KDM1A: variants seen among roughly 807,000 people sequenced by gnomAD.
KDM1A encodes lysine demethylase 1A.
A neutral mutation model predicts 109.4 loss-of-function variants in KDM1A; 49 were observed. That is an observed-to-expected ratio of 0.45 (90% CI 0.36 to 0.57). The LOEUF (loss-of-function observed/expected upper bound fraction) is 0.57. Ranked by LOEUF, KDM1A falls within the 20% of genes least tolerant of loss-of-function variation. The pLI, the probability that KDM1A is intolerant of heterozygous loss-of-function variation, is 0.00. For synonymous variants in KDM1A, 380 were observed against 415.4 expected, an observed-to-expected ratio of 0.91 and a Z score of 1.04; for missense variants, 668 against 1,116.6, an observed-to-expected ratio of 0.60 and a Z score of 5.73.
Position 23,072,192 on chromosome 1 carries a change from C to T in KDM1A, c.1617C>T (p.Pro539=). ...EEKLQELEAN[P]PSDVYLSSRD... ...AACTTCAGGAGTTGGAAGCGAATCCCCCAAGGTAAGGAAAACAAACACAAA... is the reference window on the plus strand; with the variant it reads ...AACTTCAGGAGTTGGAAGCGAATCCTCCAAGGTAAGGAAAACAAACACAAA... The change falls in exon 14 of 21, where the codon CCC becomes CCT. Residue 539 remains proline (P), a synonymous_variant. Transcript: ENST00000400181. The T allele has an allele frequency of 6.2e-7, 1 of 1,608,746 alleles. No individual in the cohort carries two copies. Among genetic ancestry groups the T allele is most frequent in the African/African-American group, 1.3e-5 (1 of 74,900 alleles).
chr1:23,028,548 A>G (rs780707303), intron 1 of KDM1A, among the ~76,000 whole-genome samples: 8 of 152,230 alleles, frequency 5.3e-5, no homozygotes, highest in Non-Finnish European at 1.0e-4. Context: ...TAGGTACTTA[A>G]GTCATTATTG....
At chr1:23,027,861 AAAGGATT>A (rs1641859284) in intron 1 of KDM1A, among the ~76,000 whole-genome samples, 1 of 152,138 alleles carries the variant, frequency 6.6e-6, no homozygotes, top group Non-Finnish European at 1.5e-5. Context: ...GGTTGTCTCT[AAAGGATT>A]AAGATTTGTT....
intron 8 of KDM1A, among the ~76,000 whole-genome samples, 149 bp from the exon 9 acceptor site, chr1:23,058,914 CTTACATATTT>C (rs914925139): frequency 5.3e-5 from 8 of 150,786 alleles, no homozygotes; most frequent in Admixed American, 5.3e-4. Flanking sequence ...TCATGTTTGT[CTTACATATTT>C]TTACTTAGAG....
chr1:23,034,039 G>A (rs1221554317), intron 2 of KDM1A, among the ~76,000 whole-genome samples: 1 of 152,074 alleles, frequency 6.6e-6, no homozygotes, highest in East Asian at 1.9e-4. Flanking sequence ...TTATATAATT[G>A]GAAGGAAGTT....
Position 23,019,755 on chromosome 1 carries a change from G to A in KDM1A, c.159G>A (p.Gly53=). 7.4e-7 allele frequency: 1 copy of A among 1,346,238 alleles called. No individual in the cohort carries two copies. The highest frequency in any genetic ancestry group is 9.6e-7 in the Non-Finnish European group (1 of 1,046,992). 83.4% of individuals were successfully genotyped at this position (1,346,238 alleles called of 1,614,324 possible). The part of the protein sequence containing the change: ...GLSGPAEVGP[G]AVGERTPRKK... ...CGGGCCCAGCCGAGGTCGGGCCGGGGGCGGTGGGGGAGCGCACACCCCGCA... is the reference window on the plus strand; with the variant it reads ...CGGGCCCAGCCGAGGTCGGGCCGGGAGCGGTGGGGGAGCGCACACCCCGCA... Residue 53 remains glycine, a synonymous_variant, in exon 1 of 21, where the codon GGG becomes GGA. Transcript: ENST00000400181.
chr1:23,051,096 A>C (rs921939976), intron 4 of KDM1A, among the ~76,000 whole-genome samples: 27 of 152,150 alleles, frequency 1.8e-4, no homozygotes, highest in African/African-American at 4.1e-4. Flanking sequence ...TCAAAAAAAA[A>C]CAAAAACCTT....
chr1:23,065,980 T>C lies in KDM1A; in HGVS notation c.1168-80T>C. The C allele has an allele frequency of 3.2e-6, 5 of 1,578,116 alleles. No homozygotes were observed. The South Asian group carries it at 6.0e-5, about 19-fold the overall frequency. On this transcript the variant is annotated intron_variant, in intron 9 of 20. Transcript: ENST00000400181. ...GTGTTTAAAGCCTTGATTTTATTGC[T>C]GTCATACAAAACTAAACTTGATGTG...
chr1:23,082,126 C>G (rs1643637264), intron 19 of KDM1A, 94 bp from the exon 20 acceptor site: 1 of 1,365,194 alleles, frequency 7.3e-7, no homozygotes, highest in Non-Finnish European at 1.0e-6. Flanking sequence ...TTTCTCTTCA[C>G]TTGCATCTCC....
At chr1:23,038,351 A>C (rs183488259) in intron 2 of KDM1A, among the ~76,000 whole-genome samples, 2 of 152,008 alleles carry the variant, frequency 1.3e-5, no homozygotes, top group East Asian at 3.9e-4. Flanking sequence ...AGACTTTGGG[A>C]CTTTCTAACA....
At chr1:23,055,231 C>T (rs1642796545) in intron 6 of KDM1A, 70 bp downstream of exon 6, 1 of 801,678 alleles carries the variant, frequency 1.2e-6, no homozygotes, top group African/African-American at 1.7e-5. Context: ...TATTTTATAT[C>T]TATGATGACG....
rs373919425 is a variant in KDM1A at position 23,076,911 on chromosome 1, G to C, written c.1735-317G>C. Among the ~76,000 whole-genome samples the C allele has an allele frequency of 6.0e-4, 90 of 151,014 alleles. No homozygotes were observed. The South Asian group carries it at 0.018, about 31-fold the overall frequency. ...ACCCAGGAGTCCGAGGTTGCAATGA[G>C]CCGAGAGCACGCCACTGCACTCCAG... On this transcript the variant is annotated intron_variant, in intron 15 of 20. Transcript: ENST00000400181.
At chr1:23,054,201 A>G (rs778351471) in intron 5 of KDM1A, among the ~76,000 whole-genome samples, 16 of 152,112 alleles carry the variant, frequency 1.1e-4, no homozygotes, top group Non-Finnish European at 1.8e-4. Context: ...AATGAGTGTT[A>G]TAACTACTTT....
At chr1:23,036,444 G>GCCCCCCCCCCCCCCCCCCC (rs5773033) in intron 2 of KDM1A, among the ~76,000 whole-genome samples, 19 of 121,588 alleles carry the variant, frequency 1.6e-4, no homozygotes, top group South Asian at 5.3e-4. Flanking sequence ...TTCTTGCCAC[G>GCCCCCCCCCCCCCCCCCCC]CCCCCCCCCT....
chr1:23,058,941 T>C, intron 8 of KDM1A, 132 bp from the exon 9 acceptor site: 1 of 514,198 alleles, frequency 1.9e-6, no homozygotes, highest in Non-Finnish European at 3.2e-6. Context: ...AGAGTGCTTT[T>C]TTTTTTGAGA....
At position 23,038,432 on chromosome 1, in the gene KDM1A, ATGTTT is replaced by A. The variant is rs1175991244; in HGVS notation, c.518-5991_518-5987del. On this transcript the variant is annotated intron_variant, in intron 2 of 20. Transcript: ENST00000400181. Reference sequence around the variant, plus strand: ...TGCATCGGCTGTTGAGTTATAAGAAATGTTTTGTAAGCTTTGTTATTAACCAGACA... The same window carrying A: ...TGCATCGGCTGTTGAGTTATAAGAAATGTAAGCTTTGTTATTAACCAGACA... 2.0e-5 allele frequency among the ~76,000 whole-genome samples: 3 copies of A among 152,160 alleles called. No homozygotes were observed. In the East Asian group the frequency reaches 5.8e-4, roughly 29 times the overall value.
rs755924133 is a variant in KDM1A at position 23,055,183 on chromosome 1, G to A, written c.883+22G>A. ...CCAAGTAAGGACCTCCTACCTGGCT[G>A]ATAAATTTTACATTTTTAAGTTACG... On this transcript the variant is annotated intron_variant, in intron 6 of 20. Transcript: ENST00000400181. 9 of 1,460,320 alleles carry A rather than the reference G, an allele frequency of 6.2e-6. No homozygotes were observed. In the South Asian group the frequency reaches 8.5e-5, roughly 14 times the overall value. The allele number at this position is 1,460,320 out of a possible 1,614,324, so 90.5% of individuals were successfully genotyped here.
chr1:23,062,001 C>T (rs1250062923), intron 9 of KDM1A, among the ~76,000 whole-genome samples: 1 of 152,126 alleles, frequency 6.6e-6, no homozygotes, highest in Non-Finnish European at 1.5e-5. Context: ...GTACAAAGAG[C>T]CCCACTAATT....
chr1:23,019,545 G>A lies in KDM1A; in HGVS notation c.-52G>A, dbSNP rs1347740527. The A allele has an allele frequency of 2.2e-6, 3 of 1,343,594 alleles. No homozygotes were observed. Among genetic ancestry groups the A allele is most frequent in the Middle Eastern group, 3.0e-4 (1 of 3,372 alleles). 83.2% of individuals were successfully genotyped at this position (1,343,594 alleles called of 1,614,324 possible). ...GCGAGGCAAGGCTTTTCGGACCCAC[G>A]GAGCGACAGAGCGAGCGGCCCCTAC... On this transcript the variant is annotated 5_prime_UTR_variant, in exon 1 of 21. Transcript: ENST00000400181.
At chr1:23,028,374 C>T (rs2124361576) in intron 1 of KDM1A, among the ~76,000 whole-genome samples, 1 of 152,302 alleles carries the variant, frequency 6.6e-6, no homozygotes, top group East Asian at 1.9e-4. Flanking sequence ...TAGAGGGGGC[C>T]TGTAAAGATT....
Sources: gnomAD v4.1 joint callset for allele counts (sites outside exome capture counted in the v4.1 genomes callset) on GRCh38, gnomAD v4.1.1 for gene constraint, MANE v1.5 for transcripts, NCBI Gene and HGNC (gene_info 2026-07-23, HGNC 2026-07-21) for gene names.